PAPOLA: variants seen among roughly 807,000 people sequenced by gnomAD.
PAPOLA encodes polynucleotide adenylyltransferase alpha.
A neutral mutation model predicts 100.6 loss-of-function variants in PAPOLA; 15 were observed. The ratio of observed to expected loss-of-function variants is 0.15; its 90% CI spans 0.10 to 0.23. The LOEUF is 0.23. Among genes scored for constraint, PAPOLA ranks in the 10% least tolerant of loss-of-function variants. PAPOLA has a pLI of 1.00. For synonymous variants in PAPOLA, 293 were observed against 300.0 expected, an observed-to-expected ratio of 0.98 and a Z score of 0.24; for missense variants, 533 against 884.2, an observed-to-expected ratio of 0.60 and a Z score of 5.04.
At chr14:96,516,279 GTTTCTT>G (rs1897455006) in intron 1 of PAPOLA, among the ~76,000 whole-genome samples, 1 of 152,068 alleles carries the variant, frequency 6.6e-6, no homozygotes, top group African/African-American at 2.4e-5. Flanking sequence ...GTATGCATTT[GTTTCTT>G]TTTATTTGGT....
chr14:96,560,761 A>G lies in PAPOLA; in HGVS notation c.2067+50A>G, dbSNP rs139235278. 54 of 1,120,528 alleles carry G rather than the reference A, an allele frequency of 4.8e-5. 1 individual carries two copies. In the East Asian group the frequency reaches 1.2e-3, roughly 26 times the overall value. The allele number at this position is 1,120,528 out of a possible 1,614,324, so 69.4% of individuals were successfully genotyped here. A position where few individuals can be genotyped will look rare whatever the true frequency, so the allele number is the denominator to read the frequency against. On this transcript the variant is annotated intron_variant, in intron 20 of 21. Transcript: ENST00000216277. ...ACATACACAATTAAGAGTACAGAAG[A>G]TGTAATAGAAATGTCTCTAAAATAT...
intron 1 of PAPOLA, among the ~76,000 whole-genome samples, chr14:96,515,676 A>G (rs1472560489): frequency 6.6e-6 from 1 of 152,212 alleles, no homozygotes; most frequent in Non-Finnish European, 1.5e-5. Flanking sequence ...TGAGACGAAA[A>G]TGGACCAGTT....
chr14:96,565,908 GACTT>G lies in PAPOLA; in HGVS notation c.*863_*866del, dbSNP rs1472362693. Reference sequence around the variant, plus strand: ...CTTTTTGCTTGTATGCACAAGGTAGGACTTACTTCGTAAGAAACAAAATGCCAGT... The same window carrying G: ...CTTTTTGCTTGTATGCACAAGGTAGGACTTCGTAAGAAACAAAATGCCAGT... On this transcript the variant is annotated 3_prime_UTR_variant, in exon 22 of 22. Transcript: ENST00000216277. 7.5e-6 allele frequency: 3 copies of G among 398,342 alleles called. No individual in the cohort carries two copies. Among genetic ancestry groups the G allele is most frequent in the African/African-American group, 4.1e-5 (2 of 48,546 alleles). 24.7% of individuals were successfully genotyped at this position (398,342 alleles called of 1,614,324 possible).
rs1902289943 is a variant in PAPOLA, at chr14:96,566,535, T to C, written c.*1485T>C. ...ATTTTTCATGTTAAACTGCAATTACTTAATCTCTTCCCCTATCCTTCTAAA... is the reference window on the plus strand; with the variant it reads ...ATTTTTCATGTTAAACTGCAATTACCTAATCTCTTCCCCTATCCTTCTAAA... On this transcript the variant is annotated 3_prime_UTR_variant, in exon 22 of 22. Coordinates refer to ENST00000216277, the MANE Select transcript of PAPOLA (RefSeq NM_032632.5). 1 of 152,590 alleles carries C rather than the reference T, an allele frequency of 6.6e-6. No homozygotes were observed. The highest frequency in any genetic ancestry group is 1.5e-5 in the Non-Finnish European group (1 of 68,004). 9.5% of individuals were successfully genotyped at this position (152,590 alleles called of 1,614,324 possible).
intron 2 of PAPOLA, among the ~76,000 whole-genome samples, chr14:96,520,707 T>G (rs1897882874): frequency 6.6e-6 from 1 of 152,076 alleles, no homozygotes; most frequent in Non-Finnish European, 1.5e-5. Context: ...AATTTTGATG[T>G]TATTTATTTT....
intron 1 of PAPOLA, among the ~76,000 whole-genome samples, chr14:96,509,836 G>T (rs527326681): frequency 1.5e-3 from 234 of 152,272 alleles, no homozygotes; most frequent in Admixed American, 2.4e-3. Flanking sequence ...ATTGACTGAA[G>T]AATTCTGTTA....
chr14:96,544,090 C>T (rs1900201411), intron 14 of PAPOLA, 59 bp from the exon 15 acceptor site: 3 of 894,610 alleles, frequency 3.4e-6, no homozygotes, highest in Admixed American at 3.9e-5. Flanking sequence ...TTGTCAGCCA[C>T]ACTGATAGCT....
At chr14:96,535,735 C>T in intron 10 of PAPOLA, 144 bp from the exon 11 acceptor site, 1 of 798,242 alleles carries the variant, frequency 1.3e-6, no homozygotes. Context: ...AAAACAATGT[C>T]TCTCTACATG....
chr14:96,534,289 T>C (rs1899327898), intron 9 of PAPOLA: 3 of 1,363,246 alleles, frequency 2.2e-6, no homozygotes, highest in South Asian at 4.0e-5. Context: ...CTGAGAAGGC[T>C]ACCAAATGGT....
At chr14:96,502,657 CG>C in intron 1 of PAPOLA, 57 bp downstream of exon 1, 2 of 1,547,450 alleles carry the variant, frequency 1.3e-6, no homozygotes, top group Non-Finnish European at 1.7e-6. Context: ...GGGGGGCGTC[CG>C]GGAAGGGGAA....
chr14:96,543,915 T>G (rs1238968851), intron 14 of PAPOLA, among the ~76,000 whole-genome samples: 1 of 152,138 alleles, frequency 6.6e-6, no homozygotes, highest in Non-Finnish European at 1.5e-5. Flanking sequence ...ACATTGACTA[T>G]CAATGCACAG....
rs118130460 is a variant in PAPOLA, at chr14:96,524,030, T to G, written c.250-1280T>G. ...AATATGCTCTTAAAAAACAGGAGTC[T>G]CTGACTGTTTAGAACTTGGCTTTAG... On this transcript the variant is annotated intron_variant, in intron 3 of 21. Coordinates refer to ENST00000216277, the MANE Select transcript of PAPOLA (RefSeq NM_032632.5). 9.1e-4 allele frequency among the ~76,000 whole-genome samples: 138 copies of G among 152,246 alleles called. No homozygotes were observed. The East Asian group carries it at 0.011, about 12-fold the overall frequency.
intron 16 of PAPOLA, among the ~76,000 whole-genome samples, chr14:96,550,736 T>A (rs1188437413): frequency 6.6e-6 from 1 of 152,242 alleles, no homozygotes; most frequent in Non-Finnish European, 1.5e-5. Flanking sequence ...AAATCTACCC[T>A]GTATTTGAGA....
chr14:96,507,015 GC>G (rs1217884601), intron 1 of PAPOLA, among the ~76,000 whole-genome samples: 1 of 152,132 alleles, frequency 6.6e-6, no homozygotes, highest in African/African-American at 2.4e-5. Context: ...ACTATGGGAG[GC>G]CGAGGTGGGA....
intron 12 of PAPOLA, 33 bp downstream of exon 12, chr14:96,537,093 T>C (rs1899602416): frequency 2.7e-6 from 3 of 1,131,980 alleles, no homozygotes; most frequent in African/African-American, 1.5e-5. Flanking sequence ...GACATGTTGC[T>C]CTCTTAAGTA....
Position 96,510,477 on chromosome 14 carries a change from A to G in PAPOLA, c.8+7877A>G, listed in dbSNP as rs1328419154. On this transcript the variant is annotated intron_variant, in intron 1 of 21. Coordinates refer to ENST00000216277, the MANE Select transcript of PAPOLA (RefSeq NM_032632.5). Reference sequence around the variant, plus strand: ...TATGAGAGAGAGGGACACAACACACACGCGCGCGTGCGCTTGTGCGCAAAG... The same window carrying G: ...TATGAGAGAGAGGGACACAACACACGCGCGCGCGTGCGCTTGTGCGCAAAG... Among the ~76,000 whole-genome samples the G allele has an allele frequency of 2.0e-5, 3 of 149,790 alleles. 1 individual carries two copies. Among genetic ancestry groups the G allele is most frequent in the East Asian group, 1.9e-4 (1 of 5,130 alleles).
intron 1 of PAPOLA, among the ~76,000 whole-genome samples, chr14:96,507,216 T>G (rs1252969697): frequency 6.6e-6 from 1 of 151,950 alleles, no homozygotes; most frequent in Admixed American, 6.6e-5. Flanking sequence ...TTAGCCAGAA[T>G]TAAAGAGATT....
chr14:96,525,936 C>G (rs1479223634), intron 4 of PAPOLA: 1 of 152,078 alleles, frequency 6.6e-6, no homozygotes, highest in Non-Finnish European at 1.5e-5. Flanking sequence ...TTTCCCTCAC[C>G]AGAAGAATAT....
intron 11 of PAPOLA, 68 bp downstream of exon 11, chr14:96,536,067 C>T: frequency 8.4e-7 from 1 of 1,187,338 alleles, no homozygotes; most frequent in South Asian, 2.7e-5. Flanking sequence ...ACCCAGTAGT[C>T]AGCTGTGCAA....
Sources: gnomAD v4.1 joint callset for allele counts (sites outside exome capture counted in the v4.1 genomes callset) on GRCh38, gnomAD v4.1.1 for gene constraint, MANE v1.5 for transcripts, NCBI Gene and HGNC (gene_info 2026-07-23, HGNC 2026-07-21) for gene names.